The following LSAMP variants were observed in gnomAD, a reference collection of about 807,000 sequenced individuals.
LSAMP encodes the protein limbic system-associated membrane protein.
Under a neutral mutation model 38.6 loss-of-function variants are expected in LSAMP, and 7 were observed. The observed-to-expected ratio is 0.18, with a 90% CI of 0.10 to 0.34. The LOEUF is 0.34. LSAMP is among the 10% of genes least tolerant of loss of function. The probability of loss-of-function intolerance (pLI) is 1.00; values close to 1 mark genes in which losing one functional copy is unlikely to be tolerated. For synonymous variants in LSAMP, 154 were observed against 166.8 expected, an observed-to-expected ratio of 0.92 and a Z score of 0.59; for missense variants, 313 against 420.0, an observed-to-expected ratio of 0.75 and a Z score of 2.23.
chr3:116,100,581 T>C (rs143467461), intron 1 of LSAMP, among the ~76,000 whole-genome samples: 1 of 152,322 alleles, frequency 6.6e-6, no homozygotes, highest in Non-Finnish European at 1.5e-5. Context: ...CCAGCATCAC[T>C]ACGTAGATTT....
chr3:116,083,792 G>T (rs1034100272), intron 2 of LSAMP, among the ~76,000 whole-genome samples: 1 of 152,180 alleles, frequency 6.6e-6, no homozygotes, highest in Non-Finnish European at 1.5e-5. Flanking sequence ...GAGAGCTGAA[G>T]AATGGAATAG....
intron 1 of LSAMP, among the ~76,000 whole-genome samples, chr3:116,332,073 C>G (rs978628975): frequency 9.9e-5 from 15 of 152,162 alleles, no homozygotes; most frequent in African/African-American, 3.6e-4. Context: ...CTCCTGGACT[C>G]AAGCAATCTT....
At chr3:116,092,091 C>T (rs1321178781) in intron 1 of LSAMP, among the ~76,000 whole-genome samples, 2 of 151,914 alleles carry the variant, frequency 1.3e-5, no homozygotes, top group African/African-American at 4.8e-5. Context: ...ATACCATGTG[C>T]ATAAATACCA....
chr3:116,203,144 G>A (rs2046010952), intron 1 of LSAMP, among the ~76,000 whole-genome samples: 1 of 152,030 alleles, frequency 6.6e-6, no homozygotes, highest in Non-Finnish European at 1.5e-5. Context: ...TTGCTGCACT[G>A]GCTATGAAGC....
intron 1 of LSAMP, among the ~76,000 whole-genome samples, chr3:116,097,080 G>T (rs1708240622): frequency 6.6e-6 from 1 of 152,158 alleles, no homozygotes; most frequent in African/African-American, 2.4e-5. Flanking sequence ...AGTAAAATTA[G>T]TCTTGGAATT....
chr3:116,133,296 G>A (rs1159469319), intron 1 of LSAMP, among the ~76,000 whole-genome samples: 1 of 149,756 alleles, frequency 6.7e-6, no homozygotes, highest in Non-Finnish European at 1.5e-5. Flanking sequence ...CTTTGTTTTT[G>A]TTTTTTGTTT....
chr3:115,880,798 G>T (rs1445926703), intron 3 of LSAMP, among the ~76,000 whole-genome samples: 6 of 152,082 alleles, frequency 3.9e-5, no homozygotes, highest in Non-Finnish European at 8.8e-5. Context: ...TTGGGAGGCT[G>T]AGGCGGGAAG....
intron 1 of LSAMP, among the ~76,000 whole-genome samples, chr3:116,323,226 C>T (rs2047728194): frequency 6.6e-6 from 1 of 152,092 alleles, no homozygotes; most frequent in South Asian, 2.1e-4. Flanking sequence ...CCACAAATAT[C>T]CATCCCTGAA....
At chr3:116,392,807 T>A (rs2048721749) in intron 1 of LSAMP, among the ~76,000 whole-genome samples, 1 of 152,120 alleles carries the variant, frequency 6.6e-6, no homozygotes, top group South Asian at 2.1e-4. Context: ...CAGCCAGACT[T>A]GAGCAGAGGA....
At chr3:115,830,550 T>A (rs1316830252) in intron 6 of LSAMP, among the ~76,000 whole-genome samples, 1 of 152,066 alleles carries the variant, frequency 6.6e-6, no homozygotes. Flanking sequence ...GGGAGTTGAG[T>A]TAATACAGGC....
chr3:115,946,849 A>G (rs556808046), intron 3 of LSAMP, among the ~76,000 whole-genome samples: 24 of 152,250 alleles, frequency 1.6e-4, no homozygotes, highest in African/African-American at 5.3e-4. Flanking sequence ...GTAAAATAAC[A>G]GGCCCATTTC....
chr3:116,135,538 A>C (rs1329920691), intron 1 of LSAMP, among the ~76,000 whole-genome samples: 1 of 152,160 alleles, frequency 6.6e-6, no homozygotes, highest in East Asian at 1.9e-4. Flanking sequence ...AGATGACAGA[A>C]ACCACTAGAC....
At chr3:116,230,711 T>C (rs2046393721) in intron 1 of LSAMP, among the ~76,000 whole-genome samples, 1 of 152,154 alleles carries the variant, frequency 6.6e-6, no homozygotes, top group Non-Finnish European at 1.5e-5. Flanking sequence ...CCTCAGCTCC[T>C]TGGAACCCAC....
At chr3:116,126,152 T>A (rs1709003972) in intron 1 of LSAMP, among the ~76,000 whole-genome samples, 1 of 152,232 alleles carries the variant, frequency 6.6e-6, no homozygotes, top group African/African-American at 2.4e-5. Flanking sequence ...AGAAAAATCA[T>A]GACCAAACAG....
At chr3:115,915,868 T>C (rs1374938295) in intron 3 of LSAMP, among the ~76,000 whole-genome samples, 1 of 152,102 alleles carries the variant, frequency 6.6e-6, no homozygotes, top group Admixed American at 6.5e-5. Context: ...CTTGACCTCA[T>C]GTTCTTCCTA....
rs1006746505 is a variant in LSAMP at position 115,805,045 on chromosome 3, G to A, written c.*5272C>T. On this transcript the variant is annotated 3_prime_UTR_variant, in exon 7 of 7. Transcript: ENST00000490035. ...AACTGAGTAATATTTTGCTCATCAA[G>A]GTTTAGGTCACTTCCTTGGAGCTAT... The A allele has an allele frequency of 5.3e-5, 8 of 152,186 alleles. No homozygotes were observed. Among genetic ancestry groups the A allele is most frequent in the African/African-American group, 1.7e-4 (7 of 41,448 alleles). 9.4% of individuals were successfully genotyped at this position (152,186 alleles called of 1,614,324 possible). A position where few individuals can be genotyped will look rare whatever the true frequency, so the allele number is the denominator to read the frequency against.
chr3:116,039,229 T>C (rs551717721), intron 2 of LSAMP, among the ~76,000 whole-genome samples: 46 of 152,342 alleles, frequency 3.0e-4, no homozygotes, highest in Middle Eastern at 6.8e-3. Flanking sequence ...TCTACATTTG[T>C]CATTCTGAAT....
chr3:115,822,820 T>G (rs1934289694), intron 6 of LSAMP, among the ~76,000 whole-genome samples: 1 of 152,216 alleles, frequency 6.6e-6, no homozygotes, highest in East Asian at 1.9e-4. Context: ...TGCTACACTT[T>G]ACTTTCAAAT....
intron 3 of LSAMP, among the ~76,000 whole-genome samples, chr3:116,006,080 A>G (rs1264883486): frequency 6.6e-6 from 1 of 152,186 alleles, no homozygotes; most frequent in African/African-American, 2.4e-5. Flanking sequence ...CAGATATTAT[A>G]TGCTATGTAC....
Sources: gnomAD v4.1 joint callset for allele counts (sites outside exome capture counted in the v4.1 genomes callset) on GRCh38, gnomAD v4.1.1 for gene constraint, MANE v1.5 for transcripts, NCBI Gene and HGNC (gene_info 2026-07-23, HGNC 2026-07-21) for gene names.